The following BTBD9 variants were observed in gnomAD, a reference collection of about 807,000 sequenced individuals.
BTBD9 encodes BTB/POZ domain-containing protein 9.
In BTBD9, 49 loss-of-function variants were observed where a neutral mutation model predicts 64.3. The ratio of observed to expected loss-of-function variants is 0.76; its 90% CI spans 0.61 to 0.97. BTBD9 has a LOEUF of 0.97. Among genes scored for constraint, BTBD9 ranks in the 50% least tolerant of loss-of-function variants. The probability of loss-of-function intolerance (pLI) is 0.00; values close to 1 mark genes in which losing one functional copy is unlikely to be tolerated. For missense variants in BTBD9, 598 were observed against 762.1 expected (o/e 0.78, Z 2.53); for synonymous variants, 260 against 274.7 (o/e 0.95, Z 0.53).
intron 8 of BTBD9, among the ~76,000 whole-genome samples, chr6:38,287,679 A>G (rs1761797329): frequency 6.6e-6 from 1 of 152,202 alleles, no homozygotes; most frequent in Non-Finnish European, 1.5e-5. Flanking sequence ...CCACAATGAC[A>G]AAATTGGCTG....
chr6:38,253,564 A>C (rs549022456), intron 9 of BTBD9, among the ~76,000 whole-genome samples: 28 of 152,354 alleles, frequency 1.8e-4, no homozygotes, highest in African/African-American at 6.7e-4. Context: ...ACAGAGGGAC[A>C]TAAAAGAGAA....
At chr6:38,543,441 G>T (rs947655327) in intron 6 of BTBD9, among the ~76,000 whole-genome samples, 1 of 152,208 alleles carries the variant, frequency 6.6e-6, no homozygotes, top group African/African-American at 2.4e-5. Context: ...TAATTCCAGT[G>T]ATTGGCACTT....
intron 9 of BTBD9, among the ~76,000 whole-genome samples, chr6:38,221,047 A>G (rs1057019259): frequency 2.0e-5 from 3 of 152,240 alleles, no homozygotes; most frequent in Non-Finnish European, 4.4e-5. Flanking sequence ...TTAACCTTTC[A>G]GCCAATTAGA....
chr6:38,454,981 C>G (rs1432089284), intron 6 of BTBD9, among the ~76,000 whole-genome samples: 1 of 152,104 alleles, frequency 6.6e-6, no homozygotes, highest in Non-Finnish European at 1.5e-5. Context: ...CCAGATACCT[C>G]TGTTCTGGAA....
intron 6 of BTBD9, among the ~76,000 whole-genome samples, chr6:38,572,860 T>A (rs1775839824): frequency 6.6e-6 from 1 of 151,590 alleles, no homozygotes. Flanking sequence ...CTAATCATAA[T>A]ACCAAGCCAG....
chr6:38,378,885 A>G (rs1458286840), intron 6 of BTBD9, among the ~76,000 whole-genome samples: 3 of 151,874 alleles, frequency 2.0e-5, no homozygotes, highest in Admixed American at 6.6e-5. Context: ...AAAAAAAAAA[A>G]AAAGAAAAAA....
intron 9 of BTBD9, among the ~76,000 whole-genome samples, chr6:38,212,805 C>G (rs994627299): frequency 1.3e-5 from 2 of 152,142 alleles, no homozygotes; most frequent in African/African-American, 2.4e-5. Context: ...TCCAAGGAGA[C>G]GGCCTCCTCC....
intron 7 of BTBD9, among the ~76,000 whole-genome samples, chr6:38,316,918 T>G (rs1364312223): frequency 6.6e-6 from 1 of 152,176 alleles, no homozygotes; most frequent in Non-Finnish European, 1.5e-5. Context: ...TCTGGCAAAG[T>G]ATTTATTTCT....
At chr6:38,189,752 C>T (rs753759163) in intron 10 of BTBD9, among the ~76,000 whole-genome samples, 1 of 152,084 alleles carries the variant, frequency 6.6e-6, no homozygotes, top group Non-Finnish European at 1.5e-5. Context: ...TGGCTCACTG[C>T]AACCTCGGCC....
In BTBD9 at chr6:38,527,203, G is replaced by A. The variant is rs117023772; in HGVS notation, c.1154+50397C>T. On this transcript the variant is annotated intron_variant, in intron 6 of 10. Coordinates refer to ENST00000481247, the MANE Select transcript of BTBD9 (RefSeq NM_001099272.2). The stretch of plus-strand genomic sequence containing the variant: ...AGGCAGGAGAATCACTGGAACCCAG[G>A]AGTTAGAGGTTGCAATGAGCCAAGA... Among the ~76,000 whole-genome samples the A allele has an allele frequency of 6.0e-4, 76 of 127,504 alleles. 1 individual carries two copies. The East Asian group carries it at 0.02, about 33-fold the overall frequency. 83.6% of individuals were successfully genotyped at this position (127,504 alleles called of 152,430 possible). A position where few individuals can be genotyped will look rare whatever the true frequency, so the allele number is the denominator to read the frequency against.
intron 9 of BTBD9, among the ~76,000 whole-genome samples, chr6:38,206,441 A>G (rs1762655869): frequency 6.6e-6 from 1 of 152,004 alleles, no homozygotes; most frequent in African/African-American, 2.4e-5. Flanking sequence ...GGGTTTCACC[A>G]TCTTGGCCAG....
At chr6:38,376,966 A>G (rs1461153110) in intron 6 of BTBD9, among the ~76,000 whole-genome samples, 1 of 152,216 alleles carries the variant, frequency 6.6e-6, no homozygotes, top group Admixed American at 6.5e-5. Context: ...GCCGGTTATT[A>G]AAGACTGCTT....
chr6:38,596,108 T>C, intron 2 of BTBD9: 1 of 944,886 alleles, frequency 1.1e-6, no homozygotes, highest in Non-Finnish European at 1.3e-6. Flanking sequence ...AGGCCTCTTC[T>C]GACAGCTGAC....
At chr6:38,484,758 A>ACTTTATTG (rs1159566354) in intron 6 of BTBD9, among the ~76,000 whole-genome samples, 1 of 152,228 alleles carries the variant, frequency 6.6e-6, no homozygotes, top group Non-Finnish European at 1.5e-5. Context: ...ATTAAAACAT[A>ACTTTATTG]CTTTATTGCT....
chr6:38,472,754 T>C (rs936449498), intron 6 of BTBD9, among the ~76,000 whole-genome samples: 1 of 152,164 alleles, frequency 6.6e-6, no homozygotes, highest in Non-Finnish European at 1.5e-5. Flanking sequence ...TGAGCTTATA[T>C]CTAGGTAGGC....
chr6:38,409,535 T>C (rs569098400), intron 6 of BTBD9, among the ~76,000 whole-genome samples: 3 of 152,298 alleles, frequency 2.0e-5, no homozygotes, highest in African/African-American at 7.2e-5. Context: ...CTCTAAAATA[T>C]GTGATCTGGC....
chr6:38,556,538 TGTGTGTGTGTGTGA>T (rs1382720443), intron 6 of BTBD9, among the ~76,000 whole-genome samples: 3 of 54,136 alleles, frequency 5.5e-5, no homozygotes, highest in East Asian at 8.8e-4. Flanking sequence ...TGTGTGTGTG[TGTGTGTGTGTGTGA>T]GAGAGAGAGA....
At chr6:38,420,953 A>C (rs1223400154) in intron 6 of BTBD9, among the ~76,000 whole-genome samples, 1 of 152,240 alleles carries the variant, frequency 6.6e-6, no homozygotes, top group East Asian at 1.9e-4. Flanking sequence ...TATAACTTAT[A>C]TGCATTTTAT....
chr6:38,592,950 A>G, intron 3 of BTBD9, 110 bp from the exon 4 acceptor site: 1 of 1,126,620 alleles, frequency 8.9e-7, no homozygotes, highest in Non-Finnish European at 1.3e-6. Flanking sequence ...ACTCTTTTTG[A>G]CCCTCTCCTT....
Sources: allele counts gnomAD v4.1 joint callset (sites outside exome capture counted in the v4.1 genomes callset), GRCh38; gene constraint gnomAD v4.1.1; transcripts MANE v1.5; gene names NCBI Gene and HGNC (gene_info 2026-07-23, HGNC 2026-07-21).